Variants in WASF1 observed in about 807,000 individuals in gnomAD.
WASF1 encodes the protein actin-binding protein WASF1.
Under a neutral mutation model 50.5 loss-of-function variants are expected in WASF1, and 7 were observed. The observed-to-expected ratio is 0.14, with a 90% CI of 0.08 to 0.26. The LOEUF (loss-of-function observed/expected upper bound fraction) is 0.26. Ranked by LOEUF, WASF1 falls within the 10% of genes least tolerant of loss-of-function variation. The pLI is 1.00. For missense variants in WASF1, 470 were observed against 694.7 expected, an observed-to-expected ratio of 0.68 and a Z score of 3.64; for synonymous variants, 205 against 244.0, an observed-to-expected ratio of 0.84 and a Z score of 1.49.
At chr6:110,164,039 G>A (rs757391325) in intron 2 of WASF1, among the ~76,000 whole-genome samples, 2 of 151,406 alleles carry the variant, frequency 1.3e-5, no homozygotes, top group Non-Finnish European at 3.0e-5. Context: ...GACCTTACAC[G>A]CTTCACAAAA....
At chr6:110,172,155 C>T (rs1451508027) in intron 2 of WASF1, among the ~76,000 whole-genome samples, 1 of 152,150 alleles carries the variant, frequency 6.6e-6, no homozygotes, top group Non-Finnish European at 1.5e-5. Context: ...ACTAGAATTA[C>T]CATTTGACTC....
At chr6:110,140,951 A>C (rs955945882) in intron 3 of WASF1, among the ~76,000 whole-genome samples, 3 of 152,226 alleles carry the variant, frequency 2.0e-5, no homozygotes, top group Non-Finnish European at 4.4e-5. Context: ...GATATGCTAG[A>C]CAAAAGGATG....
intron 4 of WASF1, among the ~76,000 whole-genome samples, chr6:110,115,905 G>T (rs959354707): frequency 1.3e-5 from 2 of 152,206 alleles, no homozygotes; most frequent in African/African-American, 4.8e-5. Flanking sequence ...ACAGAAAAAA[G>T]GGTGGGGATG....
chr6:110,147,113 C>T (rs891400965), intron 3 of WASF1, among the ~76,000 whole-genome samples: 5 of 151,830 alleles, frequency 3.3e-5, no homozygotes, highest in African/African-American at 4.8e-5. Flanking sequence ...TTTGGGAGGC[C>T]GAGGAGGGTG....
chr6:110,126,456 C>T (rs531864469), intron 4 of WASF1, among the ~76,000 whole-genome samples: 1 of 152,266 alleles, frequency 6.6e-6, no homozygotes, highest in East Asian at 1.9e-4. Context: ...TTTTATGTTG[C>T]TCTCGCTACA....
At chr6:110,141,440 T>G (rs12201521) in intron 3 of WASF1, among the ~76,000 whole-genome samples, 38,387 of 152,060 alleles carry the variant, frequency 0.25, 5,012 homozygotes, top group East Asian at 0.5. Flanking sequence ...GCAACTCTTT[T>G]CTGAAGACTA....
intron 3 of WASF1, among the ~76,000 whole-genome samples, chr6:110,136,528 C>A (rs933470580): frequency 6.6e-6 from 1 of 152,062 alleles, no homozygotes; most frequent in Admixed American, 6.6e-5. Flanking sequence ...GTTAAATTCT[C>A]CATATGATTT....
At chr6:110,163,132 G>A (rs554137525) in intron 2 of WASF1, among the ~76,000 whole-genome samples, 1 of 151,640 alleles carries the variant, frequency 6.6e-6, no homozygotes, top group East Asian at 1.9e-4. Context: ...AACATATGTT[G>A]CAGCCCCACA....
chr6:110,175,362 A>G (rs1182339928), intron 2 of WASF1, among the ~76,000 whole-genome samples: 1 of 152,054 alleles, frequency 6.6e-6, no homozygotes, highest in Non-Finnish European at 1.5e-5. Context: ...CAAACAAAAA[A>G]CCCATCACAA....
rs541224443 is a variant in WASF1 at position 110,105,534 on chromosome 6, C to G, written c.586G>C (p.Ala196Pro). ...RPHEPEKVPR[A>P]PHDRRREWQK... ...CATTCTCGCCGCCTGTCATGAGGTG[C>G]TCTTGGCACTTTTTCTGGTTCATGA... is the stretch of plus-strand genomic sequence containing the variant. Residue 196 changes from alanine to proline, a missense_variant, in exon 8 of 11, where the codon GCA becomes CCA. Physicochemically the swap from Ala to Pro is conservative, Grantham distance 27. Coordinates refer to ENST00000392589, the MANE Select transcript of WASF1 (RefSeq NM_003931.3). 1 of 1,613,928 alleles carries G rather than the reference C, an allele frequency of 6.2e-7. No homozygotes were observed. Among genetic ancestry groups the G allele is most frequent in the East Asian group, 2.2e-5 (1 of 44,880 alleles).
chr6:110,104,459 C>T (rs1031410863), intron 8 of WASF1, among the ~76,000 whole-genome samples: 2 of 152,054 alleles, frequency 1.3e-5, no homozygotes, highest in Non-Finnish European at 2.9e-5. Context: ...ATGTATATTA[C>T]TTAAAAGAAA....
At chr6:110,119,588 C>T (rs931059698) in intron 4 of WASF1, among the ~76,000 whole-genome samples, 2 of 152,176 alleles carry the variant, frequency 1.3e-5, no homozygotes, top group Non-Finnish European at 2.9e-5. Flanking sequence ...CAGACAGATG[C>T]ACAGCCAAAG....
At chr6:110,132,216 A>G (rs6912527) in intron 3 of WASF1, among the ~76,000 whole-genome samples, 30,918 of 151,710 alleles carry the variant, frequency 0.2, 4,338 homozygotes, top group African/African-American at 0.4. Flanking sequence ...CCTATATCCC[A>G]AGATCTTCCT....
intron 1 of WASF1, 100 bp from the exon 2 acceptor site, chr6:110,178,842 C>A (rs998862903): frequency 1.3e-5 from 2 of 152,500 alleles, no homozygotes; most frequent in African/African-American, 2.4e-5. Context: ...CCGACATGAG[C>A]GCTGAGTGAG....
At chr6:110,144,579 G>C (rs965225527) in intron 3 of WASF1, among the ~76,000 whole-genome samples, 8 of 152,272 alleles carry the variant, frequency 5.3e-5, no homozygotes, top group African/African-American at 1.9e-4. Context: ...TTTTCTTCTA[G>C]GGTTTTTATG....
chr6:110,131,822 A>G (rs976962576), intron 3 of WASF1, among the ~76,000 whole-genome samples: 1 of 152,166 alleles, frequency 6.6e-6, no homozygotes, highest in Non-Finnish European at 1.5e-5. Flanking sequence ...GTCTTGATAC[A>G]CAATAGGGCA....
chr6:110,178,059 C>T (rs1777010325), intron 2 of WASF1, among the ~76,000 whole-genome samples: 1 of 149,022 alleles, frequency 6.7e-6, no homozygotes, highest in Admixed American at 6.7e-5. Flanking sequence ...TAATTAAATA[C>T]ATGATATTGC....
chr6:110,127,218 A>G (rs1227623105), intron 4 of WASF1, among the ~76,000 whole-genome samples: 2 of 152,144 alleles, frequency 1.3e-5, no homozygotes, highest in Non-Finnish European at 2.9e-5. Context: ...AAACAATCTC[A>G]ATAATTTTCA....
intron 7 of WASF1, among the ~76,000 whole-genome samples, chr6:110,106,162 A>T (rs193144582): frequency 3.7e-4 from 57 of 152,320 alleles, no homozygotes; most frequent in Non-Finnish European, 6.5e-4. Context: ...CAAACGCCCA[A>T]AGCGGCCAAG....
Sources: gnomAD v4.1 joint callset for allele counts (sites outside exome capture counted in the v4.1 genomes callset) on GRCh38, gnomAD v4.1.1 for gene constraint, MANE v1.5 for transcripts, NCBI Gene and HGNC (gene_info 2026-07-23, HGNC 2026-07-21) for gene names.